Variants in TACC2 observed in about 807,000 individuals in gnomAD.
TACC2 encodes the protein transforming acidic coiled-coil-containing protein 2.
A neutral mutation model predicts 227.3 loss-of-function variants in TACC2; 137 were observed. The ratio of observed to expected loss-of-function variants is 0.60; its 90% confidence interval spans 0.52 to 0.69. The LOEUF is 0.69. Among genes scored for constraint, TACC2 ranks in the 30% least tolerant of loss-of-function variants. The pLI, the probability that TACC2 is intolerant of heterozygous loss-of-function variation, is 0.00. For synonymous variants in TACC2, 1,523 were observed against 1,487.5 expected, an observed-to-expected ratio of 1.02 and a Z score of -0.55; for missense variants, 3,470 against 3,694.4, an observed-to-expected ratio of 0.94 and a Z score of 1.57.
At chr10:122,176,323 G>A (rs965865225) in intron 7 of TACC2, among the ~76,000 whole-genome samples, 2 of 151,844 alleles carry the variant, frequency 1.3e-5, no homozygotes, top group South Asian at 2.1e-4. Context: ...TAGGAGGCTG[G>A]CTTTGTCATT....
intron 7 of TACC2, among the ~76,000 whole-genome samples, chr10:122,160,815 T>A (rs1488206769): frequency 6.6e-6 from 1 of 152,194 alleles, no homozygotes; most frequent in Non-Finnish European, 1.5e-5. Flanking sequence ...AAATTGTTTG[T>A]AAAGTCAGCA....
chr10:122,085,544 C>G lies in TACC2; in HGVS notation c.3044C>G (p.Pro1015Arg). 6.2e-7 allele frequency: 1 copy of G among 1,613,356 alleles called. No individual in the cohort carries two copies. The highest frequency in any genetic ancestry group is 8.5e-7 in the Non-Finnish European group (1 of 1,180,044). The change falls in exon 4 of 23, where the codon CCA (proline) becomes CGA (arginine). Residue 1015 changes from proline to arginine, a missense_variant. Around this residue, in one of 10 missense-constraint regions of TACC2, gnomAD observed 1,924 missense variants for 1,978.3 expected, o/e 0.97. Coordinates refer to ENST00000369005, the MANE Select transcript of TACC2 (RefSeq NM_206862.4). ...SQHEEACQRH[P>R]GASEAADGCS... ...CATGAAGAAGCATGTCAAAGGCATCCAGGAGCTTCTGAAGCAGCTGATGGT... is the reference window on the plus strand; with the variant it reads ...CATGAAGAAGCATGTCAAAGGCATCGAGGAGCTTCTGAAGCAGCTGATGGT...
At chr10:122,041,768 C>T (rs973132010) in intron 2 of TACC2, among the ~76,000 whole-genome samples, 1 of 152,234 alleles carries the variant, frequency 6.6e-6, no homozygotes, top group Admixed American at 6.5e-5. Context: ...AGTTTCTTTA[C>T]TGTCACCTGT....
At chr10:122,250,068 CAG>C (rs1477089741) in intron 22 of TACC2, among the ~76,000 whole-genome samples, 1 of 152,218 alleles carries the variant, frequency 6.6e-6, no homozygotes, top group Non-Finnish European at 1.5e-5. Flanking sequence ...TGAGCAGTGT[CAG>C]GGCTGGAAGG....
chr10:122,228,264 C>T (rs1210038396), intron 14 of TACC2, among the ~76,000 whole-genome samples: 1 of 152,306 alleles, frequency 6.6e-6, no homozygotes, highest in African/African-American at 2.4e-5. Context: ...ATTTAGTTTC[C>T]ATTTTTTGCC....
At chr10:122,043,449 TTCTTTCTTTC>T (rs1434210655) in intron 2 of TACC2, among the ~76,000 whole-genome samples, 9 of 120,106 alleles carry the variant, frequency 7.5e-5, no homozygotes, top group East Asian at 2.4e-4. Context: ...ATTTCTTTCT[TTCTTTCTTTC>T]TCTTTCTTTC....
At chr10:122,058,861 T>C (rs1054493362) in intron 3 of TACC2, among the ~76,000 whole-genome samples, 1 of 150,266 alleles carries the variant, frequency 6.7e-6, no homozygotes, top group Non-Finnish European at 1.5e-5. Context: ...AGCTAGGCCA[T>C]GCGTGAGCCA....
chr10:122,017,645 G>C (rs1385841933), intron 1 of TACC2, among the ~76,000 whole-genome samples: 1 of 151,824 alleles, frequency 6.6e-6, no homozygotes, highest in African/African-American at 2.4e-5. Context: ...GGCAAAACCC[G>C]GTCTCTGCTT....
intron 3 of TACC2, among the ~76,000 whole-genome samples, chr10:122,082,049 C>G (rs2079573867): frequency 6.6e-6 from 1 of 150,820 alleles, no homozygotes; most frequent in Admixed American, 6.7e-5. Flanking sequence ...AGCACGGTGG[C>G]TCACGCCTAT....
Position 122,087,239 on chromosome 10 carries a change from C to T in TACC2, c.4739C>T (p.Ala1580Val). 1 of 1,613,450 alleles carries T rather than the reference C, an allele frequency of 6.2e-7. No homozygotes were observed. Among genetic ancestry groups the T allele is most frequent in the East Asian group, 2.2e-5 (1 of 44,884 alleles). The stretch of plus-strand genomic sequence containing the variant: ...GAGAGAGCTGCTGCCTTCCAGGTGG[C>T]TCCCCATAGCCATGGAGAAGAGGCC... The part of the protein sequence containing the change: ...PVERAAAFQV[A>V]PHSHGEEAVA... Residue 1580 changes from alanine (A) to valine (V), a missense_variant, in exon 4 of 23, where the codon GCT becomes GTT. Around this residue, in one of 10 missense-constraint regions of TACC2, gnomAD observed 1,924 missense variants for 1,978.3 expected, o/e 0.97. Transcript: ENST00000369005.
intron 1 of TACC2, among the ~76,000 whole-genome samples, chr10:121,992,820 C>T (rs1385865968): frequency 3.3e-5 from 5 of 152,006 alleles, no homozygotes; most frequent in Admixed American, 3.3e-4. Context: ...CCAGGCGTGG[C>T]AGTGGGCACC....
rs531357754 is a variant in TACC2 at position 122,134,827 on chromosome 10, G to A, written c.5699+2093G>A. ...AGGAGAGGATGGCGCTGGACTTGGC[G>A]GGATGGCTCTCAGAGAGCTGCAGTC... is the stretch of plus-strand genomic sequence containing the variant. On this transcript the variant is annotated intron_variant, in intron 6 of 22. Transcript: ENST00000369005. 1.6e-4 allele frequency among the ~76,000 whole-genome samples: 25 copies of A among 152,328 alleles called. No individual in the cohort carries two copies. The South Asian group carries it at 5.2e-3, about 32-fold the overall frequency.
chr10:122,156,810 G>A (rs2092514980), intron 7 of TACC2, among the ~76,000 whole-genome samples: 1 of 152,218 alleles, frequency 6.6e-6, no homozygotes, highest in Non-Finnish European at 1.5e-5. Flanking sequence ...CAATCAGCAA[G>A]AGACTGCCAA....
chr10:122,078,387 G>A (rs1456315070), intron 3 of TACC2, among the ~76,000 whole-genome samples: 1 of 151,964 alleles, frequency 6.6e-6, no homozygotes, highest in African/African-American at 2.4e-5. Context: ...CATTGCATGT[G>A]TGTGTGTTTC....
intron 5 of TACC2, among the ~76,000 whole-genome samples, chr10:122,092,486 A>T (rs1371126226): frequency 2.6e-5 from 4 of 152,226 alleles, no homozygotes; most frequent in Non-Finnish European, 4.4e-5. Flanking sequence ...TGCCAATTTG[A>T]ATAGGGCTGA....
intron 7 of TACC2, among the ~76,000 whole-genome samples, chr10:122,178,686 C>G (rs1026405625): frequency 6.6e-6 from 1 of 152,150 alleles, no homozygotes; most frequent in Non-Finnish European, 1.5e-5. Flanking sequence ...GAATTTGGGA[C>G]CAGTCTGGCC....
At chr10:122,176,323 G>C (rs965865225) in intron 7 of TACC2, among the ~76,000 whole-genome samples, 2 of 151,726 alleles carry the variant, frequency 1.3e-5, no homozygotes, top group African/African-American at 4.9e-5. Flanking sequence ...TAGGAGGCTG[G>C]CTTTGTCATT....
intron 2 of TACC2, among the ~76,000 whole-genome samples, chr10:122,046,958 G>C (rs908513871): frequency 6.6e-6 from 1 of 152,084 alleles, no homozygotes; most frequent in Non-Finnish European, 1.5e-5. Flanking sequence ...AGTTATTATA[G>C]TAAAATGTGA....
chr10:122,240,729 C>T (rs890664533), intron 18 of TACC2, among the ~76,000 whole-genome samples: 1 of 152,156 alleles, frequency 6.6e-6, no homozygotes, highest in African/African-American at 2.4e-5. Context: ...GCTCTTGGTT[C>T]TCTTGTGGGG....
Sources: allele counts gnomAD v4.1 joint callset (sites outside exome capture counted in the v4.1 genomes callset), GRCh38; gene constraint gnomAD v4.1.1; regional missense constraint gnomAD v4.1.1; transcripts MANE v1.5; gene names NCBI Gene and HGNC (gene_info 2026-07-23, HGNC 2026-07-21).